The following PRKG1 variants were observed in gnomAD, a reference collection of about 807,000 sequenced individuals.
PRKG1 encodes protein kinase cGMP-dependent 1.
In PRKG1, 35 loss-of-function variants were observed where a neutral mutation model predicts 88.1. The ratio of observed to expected loss-of-function variants is 0.40; its 90% CI spans 0.30 to 0.53. The LOEUF is 0.53. Among genes scored for constraint, PRKG1 ranks in the 20% least tolerant of loss-of-function variants. The pLI is 0.59. For synonymous variants in PRKG1, 303 were observed against 292.5 expected (o/e 1.04, Z -0.37); for missense variants, 540 against 839.8 (o/e 0.64, Z 4.41).
At chr10:51,356,539 C>T (rs1279035359) in intron 2 of PRKG1, among the ~76,000 whole-genome samples, 1 of 151,890 alleles carries the variant, frequency 6.6e-6, no homozygotes. Flanking sequence ...TCTCTGTGCT[C>T]CCCGCTCCTC....
At chr10:51,175,172 A>C (rs553310408) in intron 2 of PRKG1, among the ~76,000 whole-genome samples, 2 of 69,330 alleles carry the variant, frequency 2.9e-5, no homozygotes, top group African/African-American at 5.8e-5. Context: ...ACTAAGCTGT[A>C]GTCAGTATGT....
At chr10:51,821,621 T>C (rs927575754) in intron 4 of PRKG1, among the ~76,000 whole-genome samples, 6 of 152,238 alleles carry the variant, frequency 3.9e-5, no homozygotes, top group Non-Finnish European at 7.4e-5. Context: ...CACGTTGACC[T>C]ATATATTTAT....
Position 51,602,430 on chromosome 10 carries a change from G to GT in PRKG1, c.592+134602dup, listed in dbSNP as rs533861359. Among the ~76,000 whole-genome samples the GT allele has an allele frequency of 3.7e-3, 563 of 151,588 alleles. 3 individuals are homozygous for GT. The highest frequency in any genetic ancestry group is 2.7e-3 in the Non-Finnish European group (183 of 67,878). On this transcript the variant is annotated intron_variant, in intron 3 of 17. Coordinates refer to ENST00000373980, the MANE Select transcript of PRKG1 (RefSeq NM_006258.4). Reference sequence around the variant, plus strand: ...TCTGTTTTATCCTGTGTCACTTTGGGTTTTTTTTCTTTTTTTCTCTTTCCT... The same window carrying GT: ...TCTGTTTTATCCTGTGTCACTTTGGGTTTTTTTTTCTTTTTTTCTCTTTCCT...
chr10:51,278,295 G>C (rs1385766120), intron 2 of PRKG1, among the ~76,000 whole-genome samples: 1 of 152,132 alleles, frequency 6.6e-6, no homozygotes, highest in African/African-American at 2.4e-5. Flanking sequence ...TGCATCCCAG[G>C]GATGAAGCCC....
chr10:51,737,489 CATT>C (rs1399932721), intron 3 of PRKG1, among the ~76,000 whole-genome samples: 1 of 152,088 alleles, frequency 6.6e-6, no homozygotes, highest in Non-Finnish European at 1.5e-5. Context: ...CAGGGAGTCA[CATT>C]GTTGTATTTC....
At chr10:52,144,886 G>GA (rs1334158665) in intron 8 of PRKG1, among the ~76,000 whole-genome samples, 1 of 152,114 alleles carries the variant, frequency 6.6e-6, no homozygotes, top group African/African-American at 2.4e-5. Context: ...AATTAAATGT[G>GA]AGGGATGAAA....
At chr10:51,931,300 G>C (rs1202633673) in intron 5 of PRKG1, among the ~76,000 whole-genome samples, 5 of 152,118 alleles carry the variant, frequency 3.3e-5, no homozygotes, top group Non-Finnish European at 2.9e-5. Context: ...AAATAGGAAA[G>C]TCATGGGATG....
At chr10:51,925,702 T>A (rs1305593428) in intron 5 of PRKG1, among the ~76,000 whole-genome samples, 1 of 152,152 alleles carries the variant, frequency 6.6e-6, no homozygotes, top group East Asian at 1.9e-4. Context: ...AGATTTATGA[T>A]GAAGACCCAT....
At chr10:51,653,499 A>G (rs1461264081) in intron 3 of PRKG1, among the ~76,000 whole-genome samples, 2 of 152,018 alleles carry the variant, frequency 1.3e-5, no homozygotes, top group Non-Finnish European at 2.9e-5. Flanking sequence ...TTGGCCATTT[A>G]TATGTCTTCT....
intron 2 of PRKG1, among the ~76,000 whole-genome samples, chr10:51,215,649 A>C (rs1838352855): frequency 6.6e-6 from 1 of 152,162 alleles, no homozygotes; most frequent in Non-Finnish European, 1.5e-5. Flanking sequence ...AAATGTTTTC[A>C]TGTTTATAAA....
At chr10:51,515,047 C>A (rs1444753709) in intron 3 of PRKG1, among the ~76,000 whole-genome samples, 2 of 152,090 alleles carry the variant, frequency 1.3e-5, no homozygotes, top group Non-Finnish European at 2.9e-5. Context: ...TAGATATTGG[C>A]AAATGCTTCC....
intron 3 of PRKG1, among the ~76,000 whole-genome samples, chr10:51,472,968 G>C (rs1234872677): frequency 6.6e-6 from 1 of 151,966 alleles, no homozygotes; most frequent in East Asian, 1.9e-4. Context: ...CCAATGATGA[G>C]TGGAAACATG....
intron 4 of PRKG1, among the ~76,000 whole-genome samples, chr10:51,884,310 T>C (rs1185080098): frequency 6.8e-6 from 1 of 147,766 alleles, no homozygotes; most frequent in Non-Finnish European, 1.5e-5. Context: ...CCAGGCGTGG[T>C]GGCGCGCGCC....
intron 2 of PRKG1, among the ~76,000 whole-genome samples, chr10:51,185,268 T>C (rs536037306): frequency 6.6e-6 from 1 of 152,230 alleles, no homozygotes; most frequent in South Asian, 2.1e-4. Flanking sequence ...GAAATATTTA[T>C]AAGAATCTAT....
intron 10 of PRKG1, among the ~76,000 whole-genome samples, chr10:52,262,027 A>G (rs995512458): frequency 1.3e-5 from 2 of 152,102 alleles, no homozygotes; most frequent in Non-Finnish European, 1.5e-5. Context: ...CCATGAAAGT[A>G]AAACTTCCTT....
At chr10:51,786,961 T>C (rs776567912) in intron 3 of PRKG1, among the ~76,000 whole-genome samples, 7 of 152,182 alleles carry the variant, frequency 4.6e-5, no homozygotes, top group African/African-American at 1.4e-4. Flanking sequence ...AGGTTATGCA[T>C]TCCAGGTTTA....
At chr10:51,374,093 A>AAATATATATATATAT in intron 2 of PRKG1, among the ~76,000 whole-genome samples, 25 of 100,184 alleles carry the variant, frequency 2.5e-4, no homozygotes, top group Admixed American at 9.8e-4. Context: ...AAAAAAAAAA[A>AAATATATATATATAT]ATATATATAT....
At chr10:51,401,356 G>A (rs1837734502) in intron 2 of PRKG1, among the ~76,000 whole-genome samples, 1 of 152,134 alleles carries the variant, frequency 6.6e-6, no homozygotes, top group Admixed American at 6.6e-5. Context: ...TTTAGATGGA[G>A]GCTGATTTGG....
intron 2 of PRKG1, among the ~76,000 whole-genome samples, chr10:51,166,751 T>C (rs1283930958): frequency 6.6e-6 from 1 of 152,184 alleles, no homozygotes; most frequent in African/African-American, 2.4e-5. Flanking sequence ...AAGCAGGCAT[T>C]ACTAAACTAT....
Sources: gnomAD v4.1 joint callset for allele counts (sites outside exome capture counted in the v4.1 genomes callset) on GRCh38, gnomAD v4.1.1 for gene constraint, MANE v1.5 for transcripts, NCBI Gene and HGNC (gene_info 2026-07-23, HGNC 2026-07-21) for gene names.